SARNP: variants seen among roughly 807,000 people sequenced by gnomAD.
SARNP encodes SAP domain-containing ribonucleoprotein.
Under a neutral mutation model 38.1 loss-of-function variants are expected in SARNP, and 5 were observed. That is an observed-to-expected ratio of 0.13 (90% confidence interval 0.07 to 0.28). SARNP has a LOEUF of 0.28. Ranked by LOEUF, SARNP falls within the 10% of genes least tolerant of loss-of-function variation. SARNP has a pLI of 1.00. For missense variants in SARNP, 180 were observed against 243.9 expected (o/e 0.74, Z 1.75); for synonymous variants, 84 against 80.6 (o/e 1.04, Z -0.23).
chr12:55,763,324 T>TC (rs200816343), intron 9 of SARNP, among the ~76,000 whole-genome samples: 200 of 148,490 alleles, frequency 1.3e-3, no homozygotes, highest in South Asian at 3.2e-3. Context: ...TTTTTTTTTT[T>TC]CCCCAGAGAC....
intron 9 of SARNP, among the ~76,000 whole-genome samples, chr12:55,765,334 A>T (rs971670796): frequency 1.3e-5 from 2 of 152,112 alleles, no homozygotes; most frequent in Non-Finnish European, 2.9e-5. Flanking sequence ...TTTCCCCATT[A>T]GCCACCTGCC....
chr12:55,752,699 T>C (rs1878363093), downstream of SARNP: 1 of 152,186 alleles, frequency 6.6e-6, no homozygotes, highest in Non-Finnish European at 1.5e-5. Flanking sequence ...AAGAACTTCT[T>C]CAACTGAGAT....
chr12:55,784,193 C>A lies in SARNP; in HGVS notation c.501+4882G>T, dbSNP rs548737926. Among the ~76,000 whole-genome samples the A allele has an allele frequency of 2.0e-5, 3 of 152,278 alleles. No individual in the cohort carries two copies. In the East Asian group the frequency reaches 5.8e-4, roughly 29 times the overall value. ...CCTCCACTATTTTCACCACATCTAA[C>A]TGAATAAAATCTGTGCCTAGAGAAT... is the stretch of plus-strand genomic sequence containing the variant. On this transcript the variant is annotated intron_variant, in intron 9 of 10. Transcript: ENST00000336133.
intron 7 of SARNP, chr12:55,793,861 TTC>T (rs1376936087): frequency 6.4e-6 from 1 of 155,224 alleles, no homozygotes; most frequent in African/African-American, 2.4e-5. Context: ...TAATAACTAA[TTC>T]TCTGTTGTAC....
At chr12:55,774,670 C>T (rs939567565) in intron 9 of SARNP, among the ~76,000 whole-genome samples, 7 of 150,274 alleles carry the variant, frequency 4.7e-5, no homozygotes, top group Non-Finnish European at 7.4e-5. Context: ...ATTGATTAAA[C>T]CCAGGAAGTG....
In SARNP at chr12:55,814,058, G is replaced by A. The variant is rs115501128; in HGVS notation, c.36+3608C>T. The stretch of plus-strand genomic sequence containing the variant: ...ATGCTAAGTGTTGGCAATTGATGAA[G>A]CATTCTGAAGAAATTAAATAAAATA... On this transcript the variant is annotated intron_variant, in intron 1 of 10. Coordinates refer to ENST00000336133, the MANE Select transcript of SARNP (RefSeq NM_033082.4). 3.1e-3 allele frequency among the ~76,000 whole-genome samples: 477 copies of A among 152,310 alleles called. 2 individuals are homozygous for A. The highest frequency in any genetic ancestry group is 0.011 in the African/African-American group (440 of 41,564).
At chr12:55,766,878 G>A (rs918646547) in intron 9 of SARNP, among the ~76,000 whole-genome samples, 7 of 151,818 alleles carry the variant, frequency 4.6e-5, no homozygotes, top group Non-Finnish European at 7.4e-5. Context: ...CGCCTCTGCC[G>A]CCTAGTCTCT....
At position 55,806,222 on chromosome 12, in the gene SARNP, AATG is replaced by A. The variant is rs1295470918; in HGVS notation, c.37-2497_37-2495del. ...TCAGTTTCCTTACTTGTGAAATGGG[AATG>A]ATAACAGTACCTATTTCATAGGGTT... On this transcript the variant is annotated intron_variant, in intron 1 of 10. Coordinates refer to ENST00000336133, the MANE Select transcript of SARNP (RefSeq NM_033082.4). Among the ~76,000 whole-genome samples, 8 of 152,204 alleles carry A rather than the reference AATG, an allele frequency of 5.3e-5. No homozygotes were observed. In the East Asian group the frequency reaches 7.7e-4, roughly 15 times the overall value.
intron 7 of SARNP, among the ~76,000 whole-genome samples, chr12:55,792,092 T>C (rs1337522194): frequency 1.3e-5 from 2 of 151,788 alleles, no homozygotes; most frequent in Non-Finnish European, 2.9e-5. Flanking sequence ...CCCTGTCTCT[T>C]AAAAAAAATA....
At chr12:55,812,234 A>G (rs532351354) in intron 1 of SARNP, among the ~76,000 whole-genome samples, 7 of 152,280 alleles carry the variant, frequency 4.6e-5, no homozygotes, top group East Asian at 1.9e-4. Context: ...TTTTGTAAAC[A>G]TCTCCTTGTT....
chr12:55,801,315 C>T (rs1416579435), intron 2 of SARNP, among the ~76,000 whole-genome samples: 1 of 151,932 alleles, frequency 6.6e-6, no homozygotes, highest in African/African-American at 2.4e-5. Flanking sequence ...TGGGGGTGTG[C>T]GCCTATAGTC....
chr12:55,794,567 G>A (rs1319988902), intron 6 of SARNP, among the ~76,000 whole-genome samples, 180 bp from the exon 7 acceptor site: 1 of 152,158 alleles, frequency 6.6e-6, no homozygotes, highest in Non-Finnish European at 1.5e-5. Context: ...AGCCTTATCA[G>A]AATTAGTAGT....
chr12:55,794,953 T>G, intron 5 of SARNP, 73 bp from the exon 6 acceptor site: 1 of 322,148 alleles, frequency 3.1e-6, no homozygotes, highest in Non-Finnish European at 5.6e-6. Context: ...GAGGTAGGTA[T>G]CTTTAAAAAA....
rs200189262 is a variant in SARNP at position 55,780,511 on chromosome 12, G to GA, written c.501+8563dup. On this transcript the variant is annotated intron_variant, in intron 9 of 10. Transcript: ENST00000336133. Reference sequence around the variant, plus strand: ...GAAGAGAAAAGAAAAGAAAAGAAAAGAAAGAAAGATTAGCTGGGCATAGTG... The same window carrying GA: ...GAAGAGAAAAGAAAAGAAAAGAAAAGAAAAGAAAGATTAGCTGGGCATAGTG... Among the ~76,000 whole-genome samples, 509 of 151,106 alleles carry GA rather than the reference G, an allele frequency of 3.4e-3. 2 individuals are homozygous for GA. The highest frequency in any genetic ancestry group is 0.012 in the African/African-American group (475 of 41,198).
chr12:55,757,679 G>A, intron 10 of SARNP, 126 bp from the exon 11 acceptor site: 1 of 620,720 alleles, frequency 1.6e-6, no homozygotes, highest in South Asian at 2.1e-5. Context: ...GCCCAGACTT[G>A]AGCTTGGTAG....
At chr12:55,769,694 C>T (rs1463061483) in intron 9 of SARNP, among the ~76,000 whole-genome samples, 1 of 152,288 alleles carries the variant, frequency 6.6e-6, no homozygotes, top group African/African-American at 2.4e-5. Flanking sequence ...TTTACAACGG[C>T]GAACGATGCA....
In SARNP at chr12:55,794,061, T is replaced by C. The variant is rs115739076; in HGVS notation, c.406+298A>G. 602 of 369,446 alleles carry C rather than the reference T, an allele frequency of 1.6e-3. 6 individuals carry two copies. The highest frequency in any genetic ancestry group is 0.012 in the African/African-American group (562 of 46,972). 22.9% of individuals were successfully genotyped at this position (369,446 alleles called of 1,614,324 possible). On this transcript the variant is annotated intron_variant, in intron 7 of 10. Coordinates refer to ENST00000336133, the MANE Select transcript of SARNP (RefSeq NM_033082.4). ...TAACACTAGATAGTATGCAATAATT[T>C]TATGCAGTTGAGACCCCAGAATAAG...
chr12:55,759,927 AG>A (rs1161010863), intron 10 of SARNP, among the ~76,000 whole-genome samples: 1 of 145,406 alleles, frequency 6.9e-6, no homozygotes, highest in African/African-American at 2.6e-5. Context: ...TAGTAGAGAC[AG>A]GGTTTCTCCA....
At chr12:55,767,363 T>C (rs963475358) in intron 9 of SARNP, among the ~76,000 whole-genome samples, 1 of 149,336 alleles carries the variant, frequency 6.7e-6, no homozygotes, top group African/African-American at 2.5e-5. Flanking sequence ...CTGGGCAACA[T>C]AGTGAGACCC....
Sources: allele counts gnomAD v4.1 joint callset (sites outside exome capture counted in the v4.1 genomes callset), GRCh38; gene constraint gnomAD v4.1.1; transcripts MANE v1.5; gene names NCBI Gene and HGNC (gene_info 2026-07-23, HGNC 2026-07-21).